The following CSMD2 variants were observed in gnomAD, a reference collection of about 807,000 sequenced individuals.
The protein encoded by CSMD2 is CUB and Sushi multiple domains 2.
CSMD2 carries 130 observed loss-of-function variants against 398.5 expected under a neutral mutation model. The observed-to-expected ratio is 0.33, with a 90% CI of 0.28 to 0.38. The LOEUF is 0.38. CSMD2 is among the 10% of genes least tolerant of loss of function. CSMD2 has a pLI of 1.00. For synonymous variants in CSMD2, 1,828 were observed against 1,908.5 expected, an observed-to-expected ratio of 0.96 and a Z score of 1.10; for missense variants, 3,829 against 4,764.9, an observed-to-expected ratio of 0.80 and a Z score of 5.78.
intron 2 of CSMD2, among the ~76,000 whole-genome samples, chr1:34,066,334 G>A (rs574177508): frequency 7.2e-5 from 11 of 152,200 alleles, no homozygotes; most frequent in African/African-American, 1.9e-4. Context: ...CACCCTACTC[G>A]TTGCTCATTC....
At chr1:34,086,783 T>C (rs1657931074) in intron 2 of CSMD2, among the ~76,000 whole-genome samples, 2 of 152,144 alleles carry the variant, frequency 1.3e-5, no homozygotes, top group Admixed American at 1.3e-4. Context: ...AGGTCCCTTT[T>C]CTGCTCAGAA....
At chr1:33,606,126 A>G (rs766245603) in intron 41 of CSMD2, 56 of 1,340,488 alleles carry the variant, frequency 4.2e-5, no homozygotes, top group Non-Finnish European at 5.2e-5. Context: ...AGATGCCTCC[A>G]TGGAAGCAGC....
intron 5 of CSMD2, chr1:33,875,696 A>C (rs900074407): frequency 5.9e-5 from 9 of 152,194 alleles, no homozygotes; most frequent in Non-Finnish European, 8.8e-5. Context: ...GGTAGGTGTA[A>C]TTCTCTGGTT....
At chr1:33,989,556 C>A (rs1000222387) in intron 3 of CSMD2, among the ~76,000 whole-genome samples, 1 of 152,026 alleles carries the variant, frequency 6.6e-6, no homozygotes, top group African/African-American at 2.4e-5. Flanking sequence ...CTTATAATGA[C>A]CCCAAACCAA....
intron 6 of CSMD2, among the ~76,000 whole-genome samples, chr1:33,827,929 C>A (rs1659015290): frequency 6.6e-6 from 1 of 152,166 alleles, no homozygotes. Flanking sequence ...TCTGAAAACT[C>A]AGGTATTTGC....
chr1:34,102,923 A>G (rs1898290), intron 1 of CSMD2, among the ~76,000 whole-genome samples: 56,779 of 151,922 alleles, frequency 0.37, 11,058 homozygotes, highest in African/African-American at 0.47. Flanking sequence ...TTTCTGATGC[A>G]CCCTCCCCAG....
At chr1:33,860,180 A>T (rs1304749358) in intron 5 of CSMD2, among the ~76,000 whole-genome samples, 4 of 152,236 alleles carry the variant, frequency 2.6e-5, no homozygotes, top group African/African-American at 9.6e-5. Context: ...CACAGGATTC[A>T]GTCTAGCATC....
chr1:34,146,436 C>T (rs1215618633), intron 1 of CSMD2, among the ~76,000 whole-genome samples: 1 of 152,120 alleles, frequency 6.6e-6, no homozygotes, highest in Non-Finnish European at 1.5e-5. Flanking sequence ...TTTGTCTTGT[C>T]CCTCCTCTTC....
In CSMD2 at chr1:33,583,522, G is replaced by A. The variant is rs1570820425; in HGVS notation, c.7240+120C>T. On this transcript the variant is annotated intron_variant, in intron 47 of 70. Transcript: ENST00000373381. ...GCCTTGGGGTTGCTGTGGTAGGGAA[G>A]GACATCCTGTGGAGCTTCTGGCAAG... is the stretch of plus-strand genomic sequence containing the variant. 4 of 988,792 alleles carry A rather than the reference G, an allele frequency of 4.0e-6. No individual in the cohort carries two copies. In the East Asian group the frequency reaches 9.7e-5, roughly 24 times the overall value. 61.3% of individuals were successfully genotyped at this position (988,792 alleles called of 1,614,324 possible).
chr1:33,574,742 C>G (rs1659909585), intron 49 of CSMD2, among the ~76,000 whole-genome samples: 1 of 152,170 alleles, frequency 6.6e-6, no homozygotes, highest in Admixed American at 6.5e-5. Flanking sequence ...AGAGGAGGAT[C>G]AGGAACACAG....
chr1:33,638,152 A>G (rs995259627), intron 29 of CSMD2, among the ~76,000 whole-genome samples: 15 of 151,940 alleles, frequency 9.9e-5, no homozygotes, highest in Non-Finnish European at 1.6e-4. Flanking sequence ...GTCACAGGGC[A>G]CTCCTCAGTG....
chr1:33,841,997 C>T (rs1400582584), intron 6 of CSMD2, among the ~76,000 whole-genome samples: 1 of 152,202 alleles, frequency 6.6e-6, no homozygotes, highest in African/African-American at 2.4e-5. Flanking sequence ...TACAGACCCA[C>T]AGAATAGTTA....
intron 15 of CSMD2, among the ~76,000 whole-genome samples, chr1:33,732,731 G>A (rs898811591): frequency 2.0e-5 from 3 of 152,174 alleles, no homozygotes; most frequent in Non-Finnish European, 2.9e-5. Flanking sequence ...TGTGAGGGAT[G>A]AGCCACTTCT....
intron 3 of CSMD2, among the ~76,000 whole-genome samples, chr1:34,018,427 G>A (rs934335686): frequency 6.6e-6 from 1 of 152,104 alleles, no homozygotes; most frequent in African/African-American, 2.4e-5. Context: ...GAATTACTGG[G>A]TCAAATGACA....
Position 33,559,151 on chromosome 1 carries a change from A to G in CSMD2, c.8554+149T>C, listed in dbSNP as rs925274758. 10 of 666,226 alleles carry G rather than the reference A, an allele frequency of 1.5e-5. No homozygotes were observed. Among genetic ancestry groups the G allele is most frequent in the Non-Finnish European group, 2.1e-5 (9 of 418,734 alleles). 41.3% of individuals were successfully genotyped at this position (666,226 alleles called of 1,614,324 possible). A position where few individuals can be genotyped will look rare whatever the true frequency, so the allele number is the denominator to read the frequency against. On this transcript the variant is annotated intron_variant, in intron 54 of 70. Coordinates refer to ENST00000373381, the MANE Select transcript of CSMD2 (RefSeq NM_001281956.2). The surrounding 1 kb of genome is among the most constrained non-coding windows in gnomAD (Gnocchi z 4.0). The stretch of plus-strand genomic sequence containing the variant: ...TGGCTCTTTATCTAAGGGTTGAGAA[A>G]GTCCTCATTTATGACCCTTCTCTGC...
At chr1:33,819,930 T>C in intron 8 of CSMD2, 93 bp from the exon 9 acceptor site, 2 of 1,525,344 alleles carry the variant, frequency 1.3e-6, no homozygotes, top group Non-Finnish European at 1.8e-6. Flanking sequence ...CCGCACATGT[T>C]ATTTTTCCTT....
chr1:33,711,474 T>C (rs1645986113), intron 21 of CSMD2, among the ~76,000 whole-genome samples: 1 of 152,168 alleles, frequency 6.6e-6, no homozygotes, highest in African/African-American at 2.4e-5. Flanking sequence ...ATATATAAGA[T>C]AGGTAAACAT....
intron 15 of CSMD2, 69 bp from the exon 16 acceptor site, chr1:33,726,754 C>G (rs1026212687): frequency 2.0e-6 from 3 of 1,481,014 alleles, no homozygotes; most frequent in African/African-American, 1.4e-5. Context: ...GAAAATCTCT[C>G]TATAAAATGT....
chr1:34,081,816 C>T (rs1171112923), intron 2 of CSMD2, among the ~76,000 whole-genome samples: 6 of 152,116 alleles, frequency 3.9e-5, no homozygotes, highest in African/African-American at 1.2e-4. Context: ...TCTGCATGGC[C>T]GCCACCCCGT....
Sources: gnomAD v4.1 joint callset for allele counts (sites outside exome capture counted in the v4.1 genomes callset) on GRCh38, gnomAD v4.1.1 for gene constraint, Gnocchi (gnomAD v3.1) non-coding constraint, MANE v1.5 for transcripts, NCBI Gene and HGNC (gene_info 2026-07-23, HGNC 2026-07-21) for gene names.